CACNG4: variants seen among roughly 807,000 people sequenced by gnomAD.
The protein encoded by CACNG4 is calcium voltage-gated channel auxiliary subunit gamma 4, also known as voltage-dependent calcium channel gamma-4 subunit.
A neutral mutation model predicts 22.9 loss-of-function variants in CACNG4; 8 were observed. The observed-to-expected ratio is 0.35, with a 90% CI of 0.21 to 0.63. The LOEUF is 0.63. Among genes scored for constraint, CACNG4 ranks in the 30% least tolerant of loss-of-function variants. CACNG4 has a pLI of 0.72. For synonymous variants in CACNG4, 188 were observed against 191.9 expected (o/e 0.98, Z 0.17); for missense variants, 357 against 455.4 (o/e 0.78, Z 1.97).
At chr17:66,974,715 G>A (rs1334763404) in intron 1 of CACNG4, among the ~76,000 whole-genome samples, 3 of 152,248 alleles carry the variant, frequency 2.0e-5, no homozygotes, top group African/African-American at 2.4e-5. Context: ...TGCCAACCCC[G>A]AATGTGCACA....
chr17:66,993,284 CAGT>C (rs962088781), intron 1 of CACNG4, among the ~76,000 whole-genome samples: 16 of 152,234 alleles, frequency 1.1e-4, no homozygotes, highest in African/African-American at 2.9e-4. Flanking sequence ...AATTAAGGCT[CAGT>C]TGGAGACGAA....
intron 1 of CACNG4, among the ~76,000 whole-genome samples, chr17:66,971,489 G>A (rs1458243564): frequency 6.6e-6 from 1 of 152,192 alleles, no homozygotes; most frequent in Non-Finnish European, 1.5e-5. Flanking sequence ...CACAGCTGCA[G>A]AAAGGACAGA....
intron 1 of CACNG4, among the ~76,000 whole-genome samples, chr17:67,016,624 G>T (rs1382907228): frequency 1.3e-5 from 2 of 152,212 alleles, no homozygotes; most frequent in African/African-American, 2.4e-5. Context: ...TGCAGCCGCT[G>T]CAGGAAAGGA....
chr17:67,020,802 T>G (rs1239339091), intron 2 of CACNG4, among the ~76,000 whole-genome samples: 1 of 152,194 alleles, frequency 6.6e-6, no homozygotes, highest in African/African-American at 2.4e-5. Flanking sequence ...CTGGTCCCTG[T>G]CCAGACTATG....
At chr17:67,008,927 T>A (rs2035452545) in intron 1 of CACNG4, among the ~76,000 whole-genome samples, 1 of 151,888 alleles carries the variant, frequency 6.6e-6, no homozygotes, top group Admixed American at 6.5e-5. Context: ...CCAGCCTGGG[T>A]GACAGGGTGA....
At chr17:66,971,228 GGAGGAGGGGTTTCCAGCCAGAAGAGCCTT>G (rs776815645) in intron 1 of CACNG4, among the ~76,000 whole-genome samples, 2,221 of 150,638 alleles carry the variant, frequency 0.015, 40 homozygotes, top group Middle Eastern at 0.062. Context: ...GGTCCTTGCT[GGAGGAGGGGTTTCCAGCCAGAAGAGCCTT>G]GAGGAGGGGT....
At chr17:66,965,788 A>G (rs2035166370) in intron 1 of CACNG4, among the ~76,000 whole-genome samples, 2 of 151,910 alleles carry the variant, frequency 1.3e-5, no homozygotes, top group Admixed American at 1.3e-4. Flanking sequence ...GTAGCTGGGT[A>G]GGCCCAGCCC....
Position 67,030,776 on chromosome 17 carries a change from C to T in CACNG4, c.756C>T (p.Ala252=). The change falls in exon 4 of 4, where the codon GCC becomes GCT. Residue 252 remains alanine, a synonymous_variant. Coordinates refer to ENST00000262138, the MANE Select transcript of CACNG4 (RefSeq NM_014405.4). This position sits in a 1 kb window ranked among gnomAD's most constrained non-coding sequence, Gnocchi z 6.4. Reference sequence around the variant, plus strand: ...GGTCCAGCTCAAGGTCCACCGAGGCCTCGCCCTCCAGGGACGTGTCGCCCA... The same window carrying T: ...GGTCCAGCTCAAGGTCCACCGAGGCTTCGCCCTCCAGGGACGTGTCGCCCA... The part of the protein sequence containing the change: ...RSRSSSRSTE[A]SPSRDVSPMG... The T allele has an allele frequency of 1.9e-6, 3 of 1,614,206 alleles. No homozygotes were observed. Among genetic ancestry groups the T allele is most frequent in the Non-Finnish European group, 2.5e-6 (3 of 1,180,038 alleles).
At chr17:67,014,411 G>A (rs1253804818) in intron 1 of CACNG4, among the ~76,000 whole-genome samples, 1 of 152,140 alleles carries the variant, frequency 6.6e-6, no homozygotes, top group Non-Finnish European at 1.5e-5. Flanking sequence ...ATTCGGGGGA[G>A]GTGAGGCAAC....
At chr17:67,017,472 T>TGAG (rs2035505221) in intron 1 of CACNG4, among the ~76,000 whole-genome samples, 1 of 152,156 alleles carries the variant, frequency 6.6e-6, no homozygotes, top group Non-Finnish European at 1.5e-5. Context: ...GAAAGCCCCC[T>TGAG]GTGCCCCATT....
Position 67,030,325 on chromosome 17 carries a change from A to T in CACNG4, c.446-141A>T, listed in dbSNP as rs1394762054. On this transcript the variant is annotated intron_variant, in intron 3 of 3. Coordinates refer to ENST00000262138, the MANE Select transcript of CACNG4 (RefSeq NM_014405.4). The surrounding 1 kb of genome is among the most constrained non-coding windows in gnomAD (Gnocchi z 6.4). Reference sequence around the variant, plus strand: ...CATTCAACATTAATTACTGAAAAGAAAAATTAGCAACCAGAATAAAGAAAT... The same window carrying T: ...CATTCAACATTAATTACTGAAAAGATAAATTAGCAACCAGAATAAAGAAAT... 5.4e-6 allele frequency: 4 copies of T among 743,940 alleles called. No homozygotes were observed. The highest frequency in any genetic ancestry group is 9.1e-6 in the Non-Finnish European group (4 of 439,482). 46.1% of individuals were successfully genotyped at this position (743,940 alleles called of 1,614,324 possible). A position where few individuals can be genotyped will look rare whatever the true frequency, so the allele number is the denominator to read the frequency against.
At chr17:66,987,507 G>T (rs1403252607) in intron 1 of CACNG4, among the ~76,000 whole-genome samples, 1 of 152,192 alleles carries the variant, frequency 6.6e-6, no homozygotes, top group Non-Finnish European at 1.5e-5. Context: ...AAATTTAATA[G>T]AGGGAGTTGA....
At chr17:66,968,897 C>CT (rs768888034) in intron 1 of CACNG4, among the ~76,000 whole-genome samples, 109 of 150,922 alleles carry the variant, frequency 7.2e-4, no homozygotes, top group Non-Finnish European at 1.3e-3. Context: ...ATCTCTTTCT[C>CT]TTTTTTCTCT....
intron 3 of CACNG4, among the ~76,000 whole-genome samples, chr17:67,026,317 G>T (rs571192546): frequency 6.6e-6 from 1 of 151,100 alleles, no homozygotes; most frequent in Admixed American, 6.6e-5. Flanking sequence ...GTGTGTGTGT[G>T]TATTTGAGGA....
chr17:66,993,666 C>T (rs1189760378), intron 1 of CACNG4, among the ~76,000 whole-genome samples: 6 of 152,160 alleles, frequency 3.9e-5, no homozygotes, highest in Non-Finnish European at 7.4e-5. Context: ...AGTGCAGTGG[C>T]GCGATCTCGG....
chr17:66,972,642 G>A lies in CACNG4; in HGVS notation c.220+7511G>A, dbSNP rs1400609674. On this transcript the variant is annotated intron_variant, in intron 1 of 3. Coordinates refer to ENST00000262138, the MANE Select transcript of CACNG4 (RefSeq NM_014405.4). ...TTCACTTCCCTTCGAGAAAGCACAT[G>A]GGGCCTGGCGCGGTGACTCACGCCT... is the stretch of plus-strand genomic sequence containing the variant. Among the ~76,000 whole-genome samples, 4 of 113,706 alleles carry A rather than the reference G, an allele frequency of 3.5e-5. No homozygotes were observed. In the East Asian group the frequency reaches 1.1e-3, roughly 30 times the overall value. The allele number at this position is 113,706 out of a possible 152,430, so 74.6% of individuals were successfully genotyped here.
chr17:67,032,337 A>C lies in CACNG4; in HGVS notation c.*1333A>C. ...AGGCGTGTGCAGGCTTGGAAGAAGA[A>C]CTCTCCAGAACATGGAACTTAACCC... On this transcript the variant is annotated 3_prime_UTR_variant, in exon 4 of 4. Transcript: ENST00000262138. The C allele has an allele frequency of 3.9e-6, 1 of 258,768 alleles. No individual in the cohort carries two copies. Among genetic ancestry groups the C allele is most frequent in the Non-Finnish European group, 7.6e-6 (1 of 132,272 alleles). The allele number at this position is 258,768 out of a possible 1,614,324, so 16.0% of individuals were successfully genotyped here.
At chr17:66,977,473 G>C (rs574702794) in intron 1 of CACNG4, among the ~76,000 whole-genome samples, 1 of 152,314 alleles carries the variant, frequency 6.6e-6, no homozygotes, top group Admixed American at 6.5e-5. Flanking sequence ...ATCCTGCTCT[G>C]CCCTGTGTTA....
chr17:66,996,771 C>T (rs1301058863), intron 1 of CACNG4, among the ~76,000 whole-genome samples: 1 of 152,154 alleles, frequency 6.6e-6, no homozygotes, highest in Non-Finnish European at 1.5e-5. Flanking sequence ...AGACCCCTGG[C>T]TCACGGGGAG....
Sources: allele counts gnomAD v4.1 joint callset (sites outside exome capture counted in the v4.1 genomes callset), GRCh38; gene constraint gnomAD v4.1.1; non-coding constraint Gnocchi (gnomAD v3.1); transcripts MANE v1.5; gene names NCBI Gene and HGNC (gene_info 2026-07-23, HGNC 2026-07-21).